ATP8A2: variants seen among roughly 807,000 people sequenced by gnomAD.
ATP8A2 encodes phospholipid-transporting ATPase IB.
Under a neutral mutation model 165.6 loss-of-function variants are expected in ATP8A2, and 100 were observed. That is an observed-to-expected ratio of 0.60 (90% CI 0.51 to 0.71). ATP8A2 has a LOEUF of 0.71. ATP8A2 is among the 30% of genes least tolerant of loss of function. The pLI, the probability that ATP8A2 is intolerant of heterozygous loss-of-function variation, is 0.00. For synonymous variants in ATP8A2, 543 were observed against 548.8 expected (o/e 0.99, Z 0.15); for missense variants, 1,227 against 1,479.5 (o/e 0.83, Z 2.80).
intron 25 of ATP8A2, among the ~76,000 whole-genome samples, chr13:25,734,114 T>C (rs1450294089): frequency 6.6e-6 from 1 of 152,232 alleles, no homozygotes; most frequent in Non-Finnish European, 1.5e-5. Flanking sequence ...GCACACCACA[T>C]AGTGCCCAGC....
chr13:25,897,126 C>T (rs1427132798), intron 33 of ATP8A2, among the ~76,000 whole-genome samples: 1 of 152,110 alleles, frequency 6.6e-6, no homozygotes, highest in Non-Finnish European at 1.5e-5. Flanking sequence ...TTCTTCCTAG[C>T]CTTGATGGTC....
At chr13:25,475,310 T>TG (rs1316837857) in intron 2 of ATP8A2, among the ~76,000 whole-genome samples, 4 of 152,220 alleles carry the variant, frequency 2.6e-5, no homozygotes, top group Non-Finnish European at 5.9e-5. Context: ...CTAAGGATAA[T>TG]GGTCTCCCCC....
In ATP8A2 at chr13:25,465,347, C is replaced by A. The variant is rs375080146; in HGVS notation, c.77-3630C>A. Reference sequence around the variant, plus strand: ...CAGGTGCGGGGTGGTATAACTATTTCTACCTAGGAAAAAATCCCAAGGTTT... The same window carrying A: ...CAGGTGCGGGGTGGTATAACTATTTATACCTAGGAAAAAATCCCAAGGTTT... On this transcript the variant is annotated intron_variant, in intron 1 of 36. Transcript: ENST00000381655. Among the ~76,000 whole-genome samples the A allele has an allele frequency of 1.9e-3, 283 of 152,182 alleles. 8 individuals are homozygous for A. In the South Asian group the frequency reaches 0.051, roughly 27 times the overall value.
At chr13:25,877,191 G>T (rs1407449948) in intron 33 of ATP8A2, among the ~76,000 whole-genome samples, 1 of 152,124 alleles carries the variant, frequency 6.6e-6, no homozygotes, top group African/African-American at 2.4e-5. Flanking sequence ...GTGACAGATT[G>T]CCACCTACCA....
intron 35 of ATP8A2, among the ~76,000 whole-genome samples, chr13:26,007,179 T>C (rs1956759248): frequency 6.6e-6 from 1 of 152,174 alleles, no homozygotes; most frequent in African/African-American, 2.4e-5. Context: ...TTGTAAATGG[T>C]AAATGTTATC....
chr13:25,897,554 G>A (rs889209718), intron 33 of ATP8A2, among the ~76,000 whole-genome samples: 1 of 152,128 alleles, frequency 6.6e-6, no homozygotes, highest in Non-Finnish European at 1.5e-5. Flanking sequence ...GGCGTTCTCT[G>A]TATTTCCTGA....
In ATP8A2 at chr13:25,781,217, C is replaced by T. The variant is rs187734283; in HGVS notation, c.2679+6258C>T. Among the ~76,000 whole-genome samples, 345 of 151,964 alleles carry T rather than the reference C, an allele frequency of 2.3e-3. 4 individuals carry two copies. Among genetic ancestry groups the T allele is most frequent in the African/African-American group, 8.0e-3 (330 of 41,450 alleles). On this transcript the variant is annotated intron_variant, in intron 27 of 36. Transcript: ENST00000381655. ...GGCGGAACTTGCAGTGAGCGGAAGC[C>T]GAGATCGTGCCACTGCACTCCAGCC...
intron 33 of ATP8A2, among the ~76,000 whole-genome samples, chr13:25,900,885 C>CCACGTCCA (rs1953721554): frequency 6.6e-6 from 1 of 152,186 alleles, no homozygotes; most frequent in African/African-American, 2.4e-5. Context: ...TCCATTCTAG[C>CCACGTCCA]CACGTCCACT....
chr13:25,846,587 T>C lies in ATP8A2; in HGVS notation c.2956+6963T>C, dbSNP rs146963813. On this transcript the variant is annotated intron_variant, in intron 30 of 36. Transcript: ENST00000381655. ...TGCCTTGGGATGGTGAGAGTGGAGA[T>C]AGAGAAGTCAGACCTTTCCAGGCCT... Among the ~76,000 whole-genome samples the C allele has an allele frequency of 2.6e-3, 402 of 152,190 alleles. 4 individuals carry two copies. Among genetic ancestry groups the C allele is most frequent in the African/African-American group, 9.0e-3 (373 of 41,516 alleles).
intron 27 of ATP8A2, among the ~76,000 whole-genome samples, chr13:25,782,700 T>A (rs2044912211): frequency 6.6e-6 from 1 of 152,240 alleles, no homozygotes; most frequent in Non-Finnish European, 1.5e-5. Flanking sequence ...GCATTGTAAA[T>A]GCTATGTAAA....
chr13:25,401,140 C>T (rs1201005541), intron 1 of ATP8A2, among the ~76,000 whole-genome samples: 7 of 152,184 alleles, frequency 4.6e-5, no homozygotes, highest in South Asian at 4.2e-4. Context: ...AAATGAGACA[C>T]GGTCCTTAAC....
intron 28 of ATP8A2, among the ~76,000 whole-genome samples, chr13:25,831,065 A>T (rs565657204): frequency 6.6e-6 from 1 of 152,256 alleles, no homozygotes; most frequent in South Asian, 2.1e-4. Context: ...TGTGGAAGGC[A>T]TTTGCTAGTG....
intron 25 of ATP8A2, among the ~76,000 whole-genome samples, chr13:25,745,999 A>T (rs1364490871): frequency 6.6e-6 from 1 of 152,232 alleles, no homozygotes; most frequent in African/African-American, 2.4e-5. Context: ...CACACTCCAG[A>T]TGCCTGGAGC....
chr13:25,836,677 C>T (rs1206848662), intron 28 of ATP8A2, among the ~76,000 whole-genome samples: 3 of 152,158 alleles, frequency 2.0e-5, no homozygotes, highest in African/African-American at 7.2e-5. Flanking sequence ...TAAATCTCTC[C>T]ATTCCTGGTG....
rs1491563521 is a variant in ATP8A2, at chr13:25,372,568, GGC to G, written c.76+281_76+282del. On this transcript the variant is annotated intron_variant, in intron 1 of 36. Coordinates refer to ENST00000381655, the MANE Select transcript of ATP8A2 (RefSeq NM_016529.6). The surrounding 1 kb of genome is among the most constrained non-coding windows in gnomAD (Gnocchi z 4.8). Reference sequence around the variant, plus strand: ...TGTACAGATGTGTGTGTGTGTGTGCGGCCTCCCTGTGCGCGTGCCCGTGCGCC... The same window carrying G: ...TGTACAGATGTGTGTGTGTGTGTGCGCTCCCTGTGCGCGTGCCCGTGCGCC... 2.0e-5 allele frequency among the ~76,000 whole-genome samples: 3 copies of G among 152,222 alleles called. No individual in the cohort carries two copies. Among genetic ancestry groups the G allele is most frequent in the African/African-American group, 7.2e-5 (3 of 41,540 alleles).
At chr13:25,378,026 A>G (rs1224559915) in intron 1 of ATP8A2, among the ~76,000 whole-genome samples, 1 of 152,056 alleles carries the variant, frequency 6.6e-6, no homozygotes, top group African/African-American at 2.4e-5. Flanking sequence ...GCTGAGGCAG[A>G]AGGATTGCTT....
intron 27 of ATP8A2, among the ~76,000 whole-genome samples, chr13:25,796,140 G>T (rs1950494204): frequency 6.6e-6 from 1 of 152,084 alleles, no homozygotes; most frequent in African/African-American, 2.4e-5. Flanking sequence ...AGTAGAGACA[G>T]GGTTTCTTCA....
chr13:25,502,886 T>C (rs1202981002), intron 2 of ATP8A2, among the ~76,000 whole-genome samples: 1 of 152,152 alleles, frequency 6.6e-6, no homozygotes, highest in Non-Finnish European at 1.5e-5. Context: ...GGGTGTTTCA[T>C]GGATGTTGTT....
intron 33 of ATP8A2, among the ~76,000 whole-genome samples, chr13:25,864,629 C>G (rs1214277284): frequency 6.6e-6 from 1 of 152,198 alleles, no homozygotes; most frequent in Non-Finnish European, 1.5e-5. Context: ...TTGCATTTTT[C>G]TGTAAAAGCT....
Sources: allele counts gnomAD v4.1 joint callset (sites outside exome capture counted in the v4.1 genomes callset), GRCh38; gene constraint gnomAD v4.1.1; non-coding constraint Gnocchi (gnomAD v3.1); transcripts MANE v1.5; gene names NCBI Gene and HGNC (gene_info 2026-07-23, HGNC 2026-07-21).